Variants in GMDS observed in about 807,000 individuals in gnomAD.
The protein encoded by GMDS is GDP-mannose 4,6-dehydratase.
A neutral mutation model predicts 49.9 loss-of-function variants in GMDS; 20 were observed. That is an observed-to-expected ratio of 0.40 (90% confidence interval 0.28 to 0.58). GMDS has a LOEUF of 0.58. Among genes scored for constraint, GMDS ranks in the 20% least tolerant of loss-of-function variants. GMDS has a pLI of 0.42. For synonymous variants in GMDS, 177 were observed against 178.6 expected (o/e 0.99, Z 0.07); for missense variants, 362 against 481.4 (o/e 0.75, Z 2.32).
chr6:2,075,309 T>C (rs628510), intron 4 of GMDS, among the ~76,000 whole-genome samples: 10,716 of 152,094 alleles, frequency 0.07, 1,088 homozygotes, highest in African/African-American at 0.23. Flanking sequence ...TTAGGGTACA[T>C]GTGCACAATG....
intron 4 of GMDS, among the ~76,000 whole-genome samples, chr6:2,082,408 G>A (rs1487754360): frequency 2.6e-5 from 4 of 152,164 alleles, no homozygotes; most frequent in Admixed American, 6.5e-5. Flanking sequence ...CCAGGCCAGC[G>A]GCCCAGGGCC....
At chr6:1,894,522 C>T (rs1003920564) in intron 7 of GMDS, among the ~76,000 whole-genome samples, 9 of 152,118 alleles carry the variant, frequency 5.9e-5, no homozygotes, top group Non-Finnish European at 1.0e-4. Context: ...ATCTTAAATG[C>T]TGTTTAGTGC....
At chr6:1,765,216 G>A (rs977297535) in intron 7 of GMDS, among the ~76,000 whole-genome samples, 17 of 152,158 alleles carry the variant, frequency 1.1e-4, no homozygotes, top group African/African-American at 3.9e-4. Context: ...ACTTAAGCAT[G>A]GTAGCAATTC....
At chr6:2,161,464 T>A (rs971212457) in intron 1 of GMDS, among the ~76,000 whole-genome samples, 3 of 152,214 alleles carry the variant, frequency 2.0e-5, no homozygotes, top group African/African-American at 7.2e-5. Context: ...TGACATCTTA[T>A]GAGTACTGGG....
rs189132946 is a variant in GMDS, at chr6:2,232,031, G to A, written c.102+13290C>T. Among the ~76,000 whole-genome samples, 410 of 152,082 alleles carry A rather than the reference G, an allele frequency of 2.7e-3. 1 individual carries two copies. Among genetic ancestry groups the A allele is most frequent in the African/African-American group, 9.0e-3 (374 of 41,468 alleles). On this transcript the variant is annotated intron_variant, in intron 1 of 10. Transcript: ENST00000380815. Reference sequence around the variant, plus strand: ...CCAATCCATGACACATTTTTAACCCGTTCTTTAGCAAAATGAAAAAAATGG... The same window carrying A: ...CCAATCCATGACACATTTTTAACCCATTCTTTAGCAAAATGAAAAAAATGG...
intron 9 of GMDS, among the ~76,000 whole-genome samples, chr6:1,701,019 G>C (rs1044796622): frequency 5.3e-5 from 8 of 152,164 alleles, no homozygotes; most frequent in African/African-American, 1.9e-4. Flanking sequence ...TGACAAACCA[G>C]GGACTAAAAA....
chr6:1,974,865 T>C (rs1434913944), intron 4 of GMDS, among the ~76,000 whole-genome samples: 4 of 137,472 alleles, frequency 2.9e-5, no homozygotes, highest in African/African-American at 1.2e-4. Flanking sequence ...ATCCCGTCTC[T>C]ATTAAAAAAA....
At chr6:1,756,059 TAAAAG>T (rs1301315334) in intron 7 of GMDS, among the ~76,000 whole-genome samples, 1 of 152,124 alleles carries the variant, frequency 6.6e-6, no homozygotes, top group Non-Finnish European at 1.5e-5. Flanking sequence ...TAAACAAATG[TAAAAG>T]AAAACAACAA....
intron 1 of GMDS, among the ~76,000 whole-genome samples, chr6:2,194,041 A>T (rs992527464): frequency 1.4e-4 from 21 of 151,038 alleles, no homozygotes; most frequent in Non-Finnish European, 2.4e-4. Flanking sequence ...TTTTTTTTTA[A>T]AAAAAAAGAA....
At chr6:1,952,092 G>C in intron 6 of GMDS, 1 of 583,718 alleles carries the variant, frequency 1.7e-6, no homozygotes, top group Non-Finnish European at 2.2e-6. Flanking sequence ...TCACGACCTT[G>C]GACAACTCAA....
At chr6:2,221,745 T>C (rs746461167) in intron 1 of GMDS, among the ~76,000 whole-genome samples, 2 of 152,062 alleles carry the variant, frequency 1.3e-5, no homozygotes, top group Non-Finnish European at 2.9e-5. Flanking sequence ...AGTAAATGAA[T>C]TAATGAGAAT....
At chr6:1,817,249 A>G (rs73409363) in intron 7 of GMDS, among the ~76,000 whole-genome samples, 2,643 of 152,066 alleles carry the variant, frequency 0.017, 86 homozygotes, top group African/African-American at 0.059. Flanking sequence ...CAGACTCGTC[A>G]TAAGTGTGTA....
At chr6:2,217,512 G>C (rs1780395701) in intron 1 of GMDS, among the ~76,000 whole-genome samples, 1 of 152,070 alleles carries the variant, frequency 6.6e-6, no homozygotes, top group African/African-American at 2.4e-5. Context: ...ACTTGCTTTT[G>C]AACTAAGCCT....
chr6:1,801,012 C>A (rs1769927502), intron 7 of GMDS, among the ~76,000 whole-genome samples: 1 of 152,152 alleles, frequency 6.6e-6, no homozygotes. Context: ...CAGATCTCTG[C>A]AGCAGGCAGC....
At chr6:1,881,364 C>T (rs1364593257) in intron 7 of GMDS, among the ~76,000 whole-genome samples, 4 of 152,102 alleles carry the variant, frequency 2.6e-5, no homozygotes, top group Admixed American at 6.5e-5. Context: ...ATCTAACTTA[C>T]AAGATTCCTC....
chr6:2,017,326 T>C (rs367851635), intron 4 of GMDS, among the ~76,000 whole-genome samples: 12 of 140,904 alleles, frequency 8.5e-5, no homozygotes, highest in East Asian at 2.0e-4. Flanking sequence ...TTTTTCCCCC[T>C]GAGACAGAGT....
chr6:1,944,285 T>A (rs1002325671), intron 6 of GMDS, among the ~76,000 whole-genome samples: 1 of 152,084 alleles, frequency 6.6e-6, no homozygotes, highest in Admixed American at 6.5e-5. Flanking sequence ...GGCGGACGGA[T>A]CACGAGATCA....
At chr6:1,733,605 C>G (rs1766902054) in intron 8 of GMDS, among the ~76,000 whole-genome samples, 1 of 152,188 alleles carries the variant, frequency 6.6e-6, no homozygotes, top group African/African-American at 2.4e-5. Context: ...TCACTTGAGG[C>G]CACGAGCTTG....
chr6:2,152,010 A>C (rs960348993), intron 1 of GMDS, among the ~76,000 whole-genome samples: 2 of 152,168 alleles, frequency 1.3e-5, no homozygotes, highest in Admixed American at 1.3e-4. Flanking sequence ...ATTAAAGATG[A>C]CATGTTCTGT....
Sources: allele counts gnomAD v4.1 joint callset (sites outside exome capture counted in the v4.1 genomes callset), GRCh38; gene constraint gnomAD v4.1.1; transcripts MANE v1.5; gene names NCBI Gene and HGNC (gene_info 2026-07-23, HGNC 2026-07-21).